Variants in AOPEP observed in about 807,000 individuals in gnomAD.
The protein encoded by AOPEP is aminopeptidase O.
A neutral mutation model predicts 98.1 loss-of-function variants in AOPEP; 77 were observed. The observed-to-expected ratio is 0.78, with a 90% CI of 0.65 to 0.95. AOPEP has a LOEUF of 0.95. AOPEP is among the 40% of genes least tolerant of loss of function. The pLI is 0.00. For missense variants in AOPEP, 1,024 were observed against 1,024.7 expected (o/e 1.00, Z 0.01); for synonymous variants, 346 against 365.3 (o/e 0.95, Z 0.60).
chr9:95,000,615 G>A (rs1198355967), intron 11 of AOPEP, among the ~76,000 whole-genome samples: 3 of 152,124 alleles, frequency 2.0e-5, no homozygotes, highest in Non-Finnish European at 2.9e-5. Flanking sequence ...GGCTGAGGCA[G>A]GAGAATCGCT....
chr9:94,779,811 CA>C (rs1842897691), intron 3 of AOPEP, among the ~76,000 whole-genome samples: 1 of 152,124 alleles, frequency 6.6e-6, no homozygotes, highest in Non-Finnish European at 1.5e-5. Flanking sequence ...CCCTGAGCCA[CA>C]AAATAATCCA....
chr9:94,956,711 G>A (rs2058482417), intron 9 of AOPEP, among the ~76,000 whole-genome samples: 1 of 152,244 alleles, frequency 6.6e-6, no homozygotes, highest in African/African-American at 2.4e-5. Context: ...TTAACAAGGA[G>A]TGGCAGGCTC....
the AOPEP span, among the ~76,000 whole-genome samples, chr9:95,149,452 A>C: frequency 4.6e-4 from 70 of 152,302 alleles, no homozygotes; most frequent in East Asian, 0.01. Context: ...GTTAAAAATA[A>C]AAAAATAAAA....
intron 7 of AOPEP, among the ~76,000 whole-genome samples, chr9:94,939,293 C>T (rs534242064): frequency 4.7e-4 from 72 of 151,600 alleles, no homozygotes; most frequent in Non-Finnish European, 9.6e-4. Flanking sequence ...CAATGTAAAG[C>T]CATCCCCATT....
intron 5 of AOPEP, among the ~76,000 whole-genome samples, chr9:94,877,189 A>G (rs2047047607): frequency 1.3e-5 from 2 of 152,206 alleles, no homozygotes; most frequent in African/African-American, 4.8e-5. Context: ...AGCAACATCC[A>G]AACCAGACAG....
intron 2 of AOPEP, among the ~76,000 whole-genome samples, chr9:94,767,699 G>C (rs993157489): frequency 1.3e-5 from 2 of 152,204 alleles, no homozygotes; most frequent in Non-Finnish European, 2.9e-5. Flanking sequence ...CAGCTTGCCT[G>C]TTTTGCACCC....
At chr9:94,897,149 G>A (rs1406927586) in intron 5 of AOPEP, among the ~76,000 whole-genome samples, 1 of 151,990 alleles carries the variant, frequency 6.6e-6, no homozygotes, top group Non-Finnish European at 1.5e-5. Flanking sequence ...GAGTAATGAT[G>A]AGGGGTTCTA....
At chr9:94,900,697 G>T (rs1187824783) in intron 5 of AOPEP, 1 of 152,182 alleles carries the variant, frequency 6.6e-6, no homozygotes, top group Non-Finnish European at 1.5e-5. Flanking sequence ...ATTTTTCTCT[G>T]CATGTCTGTA....
intron 10 of AOPEP, among the ~76,000 whole-genome samples, chr9:94,974,023 A>G (rs1341315465): frequency 6.6e-6 from 1 of 152,184 alleles, no homozygotes; most frequent in Non-Finnish European, 1.5e-5. Flanking sequence ...TATGCTCCAA[A>G]CAGCAGAACC....
At position 95,008,324 on chromosome 9, in the gene AOPEP, G is replaced by C. The variant is rs534890781; in HGVS notation, c.2115+2708G>C. Among the ~76,000 whole-genome samples the C allele has an allele frequency of 2.8e-3, 421 of 152,188 alleles. 8 individuals carry two copies. The highest frequency in any genetic ancestry group is 0.022 in the South Asian group (108 of 4,816). Reference sequence around the variant, plus strand: ...CTGGGGGTCACAACCTTTTTCCTCCGATAGGAGGGGGCAGCTTTTTTCCTG... The same window carrying C: ...CTGGGGGTCACAACCTTTTTCCTCCCATAGGAGGGGGCAGCTTTTTTCCTG... On this transcript the variant is annotated intron_variant, in intron 13 of 16. Coordinates refer to ENST00000375315, the MANE Select transcript of AOPEP (RefSeq NM_001193329.3).
intron 13 of AOPEP, among the ~76,000 whole-genome samples, chr9:95,009,851 G>A (rs1166366611): frequency 2.6e-5 from 4 of 151,774 alleles, no homozygotes; most frequent in Non-Finnish European, 5.9e-5. Context: ...CTAGAAGGAT[G>A]GTTGTGAAAA....
the AOPEP span, among the ~76,000 whole-genome samples, chr9:95,132,201 T>C: frequency 6.6e-6 from 1 of 152,160 alleles, no homozygotes; most frequent in Non-Finnish European, 1.5e-5. Context: ...TCGGGTACCT[T>C]CCGGCCCTGG....
chr9:94,845,748 T>C (rs2042782650), intron 5 of AOPEP, among the ~76,000 whole-genome samples: 1 of 151,920 alleles, frequency 6.6e-6, no homozygotes, highest in Non-Finnish European at 1.5e-5. Context: ...GAGGGAGGGC[T>C]GGGCAGGGGA....
At chr9:94,788,075 T>A (rs1194616027) in intron 3 of AOPEP, among the ~76,000 whole-genome samples, 1 of 152,068 alleles carries the variant, frequency 6.6e-6, no homozygotes, top group Non-Finnish European at 1.5e-5. Flanking sequence ...TTCATTTATA[T>A]TATTATTATT....
the AOPEP span, among the ~76,000 whole-genome samples, chr9:95,124,403 C>T: frequency 1.4e-4 from 21 of 152,298 alleles, no homozygotes; most frequent in African/African-American, 4.6e-4. Flanking sequence ...CCCTGTTTCA[C>T]GAGGTCCCTC....
At chr9:95,081,323 C>T (rs2069739712) in intron 15 of AOPEP, among the ~76,000 whole-genome samples, 2 of 152,222 alleles carry the variant, frequency 1.3e-5, no homozygotes, top group Admixed American at 1.3e-4. Context: ...CATTGGCCGC[C>T]TCTGATGTCC....
chr9:94,898,579 G>A (rs759635308), intron 5 of AOPEP, among the ~76,000 whole-genome samples: 20 of 151,118 alleles, frequency 1.3e-4, no homozygotes, highest in Non-Finnish European at 2.9e-4. Flanking sequence ...CTTGCAGTGA[G>A]CCAGATCGCG....
chr9:95,109,084 A>C, the AOPEP span, among the ~76,000 whole-genome samples: 51 of 151,900 alleles, frequency 3.4e-4, no homozygotes, highest in African/African-American at 1.0e-3. Context: ...TAATTTCTTT[A>C]TTTATTTTTT....
chr9:95,096,658 AGAG>A, the AOPEP span, among the ~76,000 whole-genome samples: 556 of 152,210 alleles, frequency 3.7e-3, 13 homozygotes, highest in East Asian at 0.05. Context: ...GGTCAGGAGA[AGAG>A]GAGGAGCATG....
Sources: gnomAD v4.1 joint callset for allele counts (sites outside exome capture counted in the v4.1 genomes callset) on GRCh38, gnomAD v4.1.1 for gene constraint, MANE v1.5 for transcripts, NCBI Gene and HGNC (gene_info 2026-07-23, HGNC 2026-07-21) for gene names.